The following SORBS2 variants were observed in gnomAD, a reference collection of about 807,000 sequenced individuals.
SORBS2 encodes the protein sorbin and SH3 domain containing 2, also known as sorbin and SH3 domain-containing protein 2.
SORBS2 carries 46 observed loss-of-function variants against 97.7 expected under a neutral mutation model. That is an observed-to-expected ratio of 0.47 (90% CI 0.37 to 0.60). The LOEUF (loss-of-function observed/expected upper bound fraction) is 0.60. SORBS2 is among the 20% of genes least tolerant of loss of function. The probability of loss-of-function intolerance (pLI) is 0.00; values close to 1 mark genes in which losing one functional copy is unlikely to be tolerated. For missense variants in SORBS2, 1,316 were observed against 1,282.3 expected, an observed-to-expected ratio of 1.03 and a Z score of -0.40; for synonymous variants, 476 against 473.4, an observed-to-expected ratio of 1.01 and a Z score of -0.07.
intron 1 of SORBS2, among the ~76,000 whole-genome samples, chr4:185,886,953 G>A (rs1176677357): frequency 3.3e-5 from 5 of 152,306 alleles, no homozygotes; most frequent in Middle Eastern, 3.4e-3. Flanking sequence ...GTAAAGGGAA[G>A]GACCTTCCAG....
intron 4 of SORBS2, 61 bp downstream of exon 13, chr4:185,646,607 T>C (rs996134325): frequency 3.5e-5 from 35 of 1,001,022 alleles, no homozygotes; most frequent in Non-Finnish European, 4.8e-5. Flanking sequence ...AAATTCAGGT[T>C]TATTGGGGAG....
chr4:185,676,946 T>G, intron 4 of SORBS2: 2 of 1,459,358 alleles, frequency 1.4e-6, no homozygotes, highest in South Asian at 1.3e-5. Context: ...GGAGTTAGGG[T>G]CTCTACGATA....
intron 2 of SORBS2, among the ~76,000 whole-genome samples, chr4:185,726,181 T>C (rs2153565771): frequency 6.6e-6 from 1 of 152,308 alleles, no homozygotes; most frequent in East Asian, 1.9e-4. Context: ...TGAGATTACC[T>C]CTAATTACTC....
chr4:185,949,722 G>T (rs924333443), intron 1 of SORBS2, among the ~76,000 whole-genome samples: 1 of 152,092 alleles, frequency 6.6e-6, no homozygotes, highest in Non-Finnish European at 1.5e-5. Flanking sequence ...GCAGTTGTCT[G>T]GTGAGAGATG....
chr4:185,934,951 T>A (rs997768210), intron 1 of SORBS2, among the ~76,000 whole-genome samples: 1 of 152,176 alleles, frequency 6.6e-6, no homozygotes, highest in Non-Finnish European at 1.5e-5. Flanking sequence ...GGATAGTTTG[T>A]TACTGAGTCA....
intron 4 of SORBS2, chr4:185,645,818 A>G (rs1438529863): frequency 6.6e-6 from 1 of 152,210 alleles, no homozygotes; most frequent in Admixed American, 6.5e-5. Flanking sequence ...TGGAGTTTCA[A>G]AGAAAATCCT....
chr4:185,847,039 G>A (rs957631218), intron 1 of SORBS2, among the ~76,000 whole-genome samples: 11 of 152,038 alleles, frequency 7.2e-5, no homozygotes, highest in South Asian at 2.1e-4. Flanking sequence ...CGGGAGTGGC[G>A]ATAGAGACAA....
At chr4:185,880,216 G>T (rs998745579) in intron 1 of SORBS2, among the ~76,000 whole-genome samples, 2 of 152,156 alleles carry the variant, frequency 1.3e-5, no homozygotes, top group Non-Finnish European at 2.9e-5. Context: ...AACAGGAAGA[G>T]ACGGCCTTTA....
At chr4:185,748,948 A>C (rs532960304) in intron 2 of SORBS2, among the ~76,000 whole-genome samples, 24 of 152,306 alleles carry the variant, frequency 1.6e-4, no homozygotes, top group African/African-American at 5.8e-4. Flanking sequence ...GGACCTGGGG[A>C]AGAATGCAGG....
intron 4 of SORBS2, among the ~76,000 whole-genome samples, chr4:185,678,077 T>C (rs2097821474): frequency 6.6e-6 from 1 of 152,202 alleles, no homozygotes; most frequent in African/African-American, 2.4e-5. Context: ...ATATAATAGT[T>C]GCATACTCAT....
intron 4 of SORBS2, 50 bp from the exon 14 acceptor site, chr4:185,639,085 G>C: frequency 6.8e-7 from 1 of 1,462,160 alleles, no homozygotes; most frequent in South Asian, 1.4e-5. Context: ...GAGGCTCTGG[G>C]CGGAACCGCG....
chr4:185,809,144 G>A (rs2099168647), intron 1 of SORBS2, among the ~76,000 whole-genome samples: 1 of 152,098 alleles, frequency 6.6e-6, no homozygotes, highest in Non-Finnish European at 1.5e-5. Context: ...TCTAGGTCAA[G>A]TCTATATTTA....
intron 1 of SORBS2, among the ~76,000 whole-genome samples, chr4:185,934,326 C>G (rs1049065396): frequency 5.3e-5 from 8 of 152,200 alleles, no homozygotes; most frequent in Non-Finnish European, 1.2e-4. Context: ...GAATAAGGCA[C>G]TGTCCCTGCC....
intron 2 of SORBS2, among the ~76,000 whole-genome samples, chr4:185,716,817 GCC>G (rs1340208605): frequency 6.6e-6 from 1 of 152,166 alleles, no homozygotes; most frequent in South Asian, 2.1e-4. Flanking sequence ...CGGGTCAGAG[GCC>G]CACGGGGAGG....
rs547427953 is a variant in SORBS2 at position 185,776,764 on chromosome 4, G to A, written c.-337-1398C>T. Reference sequence around the variant, plus strand: ...AAATGCAAAAAATTAGCAGGATGTCGTGGCACGCGCCTGTAGTCCCAGCTA... The same window carrying A: ...AAATGCAAAAAATTAGCAGGATGTCATGGCACGCGCCTGTAGTCCCAGCTA... On this transcript the variant is annotated intron_variant, in intron 1 of 20. Coordinates refer to the SORBS2 transcript ENST00000284776. 1.4e-4 allele frequency among the ~76,000 whole-genome samples: 22 copies of A among 152,096 alleles called. No individual in the cohort carries two copies. In the South Asian group the frequency reaches 2.3e-3, roughly 16 times the overall value.
chr4:185,853,011 G>C (rs1188808101), intron 1 of SORBS2, among the ~76,000 whole-genome samples: 3 of 152,078 alleles, frequency 2.0e-5, no homozygotes, highest in Non-Finnish European at 2.9e-5. Flanking sequence ...ATAAGTGATG[G>C]GAGTGGGTTA....
At position 185,636,007 on chromosome 4, in the gene SORBS2, C is replaced by T. The variant is rs181812345; in HGVS notation, c.397-5409G>A. On this transcript the variant is annotated intron_variant, in intron 4 of 14. Transcript: ENST00000418609. ...CTGAGTAGCTGGGATTACAGGCGTACGCCACCATGCCCAGCTAATTTTTGT... is the reference window on the plus strand; with the variant it reads ...CTGAGTAGCTGGGATTACAGGCGTATGCCACCATGCCCAGCTAATTTTTGT... Among the ~76,000 whole-genome samples the T allele has an allele frequency of 5.5e-3, 833 of 152,176 alleles. 7 individuals are homozygous for T. Among genetic ancestry groups the T allele is most frequent in the African/African-American group, 0.018 (749 of 41,526 alleles).
chr4:185,869,956 G>A (rs1579262849), intron 1 of SORBS2, among the ~76,000 whole-genome samples: 1 of 152,130 alleles, frequency 6.6e-6, no homozygotes, highest in Non-Finnish European at 1.5e-5. Flanking sequence ...AGATGCAACC[G>A]TTCTTTTATG....
At chr4:185,742,693 G>A (rs1375086160) in intron 2 of SORBS2, among the ~76,000 whole-genome samples, 3 of 152,158 alleles carry the variant, frequency 2.0e-5, no homozygotes, top group Non-Finnish European at 4.4e-5. Context: ...AACTAAATGA[G>A]GTGAGAATCA....
Sources: allele counts gnomAD v4.1 joint callset (sites outside exome capture counted in the v4.1 genomes callset), GRCh38; gene constraint gnomAD v4.1.1; transcripts MANE v1.5; gene names NCBI Gene and HGNC (gene_info 2026-07-23, HGNC 2026-07-21).